Variants in PPP2R3A observed in about 807,000 individuals in gnomAD.
PPP2R3A encodes protein phosphatase 2 regulatory subunit B''alpha.
In PPP2R3A, 80 loss-of-function variants were observed where a neutral mutation model predicts 106.9. The observed-to-expected ratio is 0.75, with a 90% confidence interval of 0.62 to 0.90. The LOEUF (loss-of-function observed/expected upper bound fraction) is 0.90, where lower values mean the gene tolerates loss of function less well. Ranked by LOEUF, PPP2R3A falls within the 40% of genes least tolerant of loss-of-function variation. The pLI is 0.00. For missense variants in PPP2R3A, 1,386 were observed against 1,350.4 expected, an observed-to-expected ratio of 1.03 and a Z score of -0.41; for synonymous variants, 483 against 468.3, an observed-to-expected ratio of 1.03 and a Z score of -0.41.
chr3:136,002,683 A>G lies in PPP2R3A; in HGVS notation c.1185A>G (p.Ser395=), dbSNP rs1933681768. The change falls in exon 2 of 14, where the codon TCA becomes TCG. Residue 395 remains serine, a synonymous_variant. Transcript: ENST00000264977. ...CTCTAAAAGCTGTCCAGGTCCAATC[A>G]CAGTCATTAACCATGAATCCTTTAG... The part of the protein sequence containing the change: ...PRTLKAVQVQ[S]QSLTMNPLEN... The G allele has an allele frequency of 1.2e-6, 2 of 1,613,246 alleles. No individual in the cohort carries two copies. Among genetic ancestry groups the G allele is most frequent in the Admixed American group, 3.3e-5 (2 of 59,982 alleles).
At chr3:136,064,678 C>G (rs573818592) in intron 5 of PPP2R3A, among the ~76,000 whole-genome samples, 1 of 152,004 alleles carries the variant, frequency 6.6e-6, no homozygotes, top group Admixed American at 6.6e-5. Context: ...AAGACAGCCA[C>G]GATCTAAACA....
intron 13 of PPP2R3A, among the ~76,000 whole-genome samples, chr3:136,126,112 G>A (rs1467200281): frequency 6.6e-6 from 1 of 152,232 alleles, no homozygotes; most frequent in African/African-American, 2.4e-5. Flanking sequence ...TCCAACTGAG[G>A]TACTTGGTTC....
In PPP2R3A at chr3:136,026,972, C is replaced by T; in HGVS notation, c.2136C>T (p.Phe712=). 1 of 1,613,716 alleles carries T rather than the reference C, an allele frequency of 6.2e-7. No homozygotes were observed. The highest frequency in any genetic ancestry group is 8.5e-7 in the Non-Finnish European group (1 of 1,179,674). ...CATTGTCCATAAACATTCCACGGTT[C>T]TACTTTCCTGAAGGACTCCCAGATA... ...NAPLSINIPR[F]YFPEGLPDTC... is the part of the protein sequence containing the mutation. Residue 712 remains phenylalanine, a synonymous_variant, in exon 3 of 14, where the codon TTC becomes TTT. Transcript: ENST00000264977.
At chr3:136,110,665 T>G (rs568495958) in intron 13 of PPP2R3A, among the ~76,000 whole-genome samples, 2 of 152,324 alleles carry the variant, frequency 1.3e-5, no homozygotes, top group East Asian at 3.9e-4. Flanking sequence ...AGCAAGTGTA[T>G]GTGGCTATGT....
intron 3 of PPP2R3A, among the ~76,000 whole-genome samples, chr3:136,029,203 GCAGA>G (rs1934775298): frequency 1.3e-5 from 2 of 152,196 alleles, no homozygotes; most frequent in Non-Finnish European, 1.5e-5. Context: ...CCTCAGGTAA[GCAGA>G]CAAAGAGAAA....
intron 10 of PPP2R3A, among the ~76,000 whole-genome samples, chr3:136,093,253 A>G (rs1048673007): frequency 2.8e-4 from 42 of 152,134 alleles, no homozygotes; most frequent in South Asian, 4.1e-4. Context: ...TACCAGAAAT[A>G]CGAAATGTAA....
intron 1 of PPP2R3A, among the ~76,000 whole-genome samples, chr3:135,967,977 T>C (rs1937137823): frequency 6.6e-6 from 1 of 152,178 alleles, no homozygotes; most frequent in Non-Finnish European, 1.5e-5. Context: ...CAAAAATGCT[T>C]ACAGACATCG....
chr3:136,046,311 G>A (rs1376525020), intron 4 of PPP2R3A, among the ~76,000 whole-genome samples: 3 of 152,036 alleles, frequency 2.0e-5, no homozygotes, highest in Admixed American at 6.6e-5. Flanking sequence ...AAAATTAGCC[G>A]GGCATAGTGA....
chr3:136,003,100 T>G lies in PPP2R3A; in HGVS notation c.1602T>G (p.Gly534=), dbSNP rs768348563. The stretch of plus-strand genomic sequence containing the variant: ...CTCTAAGAGAGCCACTTGCGAAGGG[T>G]AAAAACTCTAATTTTTTAAATAGTC... ...ETSLREPLAK[G]KNSNFLNSHS... The change falls in exon 2 of 14, where the codon GGT becomes GGG. Residue 534 remains glycine, a synonymous_variant. Transcript: ENST00000264977. 5 of 1,610,818 alleles carry G rather than the reference T, an allele frequency of 3.1e-6. No homozygotes were observed. In the Admixed American group the frequency reaches 8.4e-5, roughly 27 times the overall value.
intron 13 of PPP2R3A, among the ~76,000 whole-genome samples, chr3:136,143,164 A>G (rs1213871312): frequency 6.6e-6 from 1 of 152,242 alleles, no homozygotes; most frequent in African/African-American, 2.4e-5. Context: ...TAAGCTTTTT[A>G]AAAGGTTTAA....
intron 2 of PPP2R3A, among the ~76,000 whole-genome samples, chr3:136,013,626 A>G (rs936618561): frequency 3.3e-5 from 5 of 151,904 alleles, no homozygotes; most frequent in African/African-American, 1.2e-4. Flanking sequence ...ATTTTTTCAT[A>G]TATTTGTTGG....
intron 9 of PPP2R3A, among the ~76,000 whole-genome samples, chr3:136,089,514 A>G (rs60149787): frequency 0.082 from 12,504 of 151,766 alleles, 654 homozygotes; most frequent in African/African-American, 0.15. Context: ...GTCAGGTACT[A>G]TGATACCTCT....
At chr3:136,132,379 A>G (rs1179260604) in intron 13 of PPP2R3A, among the ~76,000 whole-genome samples, 6 of 152,260 alleles carry the variant, frequency 3.9e-5, no homozygotes, top group African/African-American at 1.2e-4. Flanking sequence ...AGGAATCTAC[A>G]TAAAAGATAC....
rs1323148201 is a variant in PPP2R3A at position 136,082,293 on chromosome 3, A to T, written c.2660A>T (p.Asp887Val). 1 of 1,594,188 alleles carries T rather than the reference A, an allele frequency of 6.3e-7. No individual in the cohort carries two copies. Among genetic ancestry groups the T allele is most frequent in the Non-Finnish European group, 8.6e-7 (1 of 1,161,946 alleles). Reference sequence around the variant, plus strand: ...CTAGCACTTTTGGAAGAAGAGGAAGATATAAACCAAATTACAGATTACTTC... The same window carrying T: ...CTAGCACTTTTGGAAGAAGAGGAAGTTATAAACCAAATTACAGATTACTTC... The part of the protein sequence containing the change: ...QTLALLEEEE[D>V]INQITDYFSY... The change falls in exon 8 of 14, where the codon GAT (aspartate) becomes GTT (valine). Residue 887 changes from aspartate (D) to valine (V), a missense_variant. By Grantham distance (152) the Asp-to-Val change is radical. Transcript: ENST00000264977.
intron 13 of PPP2R3A, among the ~76,000 whole-genome samples, chr3:136,137,935 A>G (rs995678856): frequency 3.9e-5 from 6 of 152,164 alleles, no homozygotes; most frequent in African/African-American, 1.4e-4. Context: ...GCAATCGTCC[A>G]GGAATGTAAC....
chr3:136,138,605 A>G lies in PPP2R3A; in HGVS notation c.3330-6438A>G, dbSNP rs139569460. Among the ~76,000 whole-genome samples the G allele has an allele frequency of 7.6e-3, 1,139 of 149,724 alleles. 18 individuals are homozygous for G. The highest frequency in any genetic ancestry group is 0.026 in the African/African-American group (1,074 of 40,874). ...CTAATCCATTTTATATAAGTGGCTT[A>G]GGATATCTATTTTTAACTTAAAAGT... On this transcript the variant is annotated intron_variant, in intron 13 of 13. Transcript: ENST00000264977.
Position 136,145,253 on chromosome 3 carries a change from A to G in PPP2R3A, c.*87A>G. On this transcript the variant is annotated 3_prime_UTR_variant, in exon 14 of 14. Coordinates refer to ENST00000264977, the MANE Select transcript of PPP2R3A (RefSeq NM_002718.5). ...TGTTCTCGTTTGCATACTGCTTTTT[A>G]AAGACTTTGATTTCTCCAAGTGTGT... 7.6e-6 allele frequency: 11 copies of G among 1,454,068 alleles called. No homozygotes were observed. Among genetic ancestry groups the G allele is most frequent in the Non-Finnish European group, 1.0e-5 (11 of 1,091,032 alleles). 90.1% of individuals were successfully genotyped at this position (1,454,068 alleles called of 1,614,324 possible).
At chr3:136,082,204 T>G in intron 7 of PPP2R3A, 61 bp from the exon 8 acceptor site, 6 of 1,421,478 alleles carry the variant, frequency 4.2e-6, no homozygotes, top group Non-Finnish European at 4.9e-6. Context: ...CGCTAGACTC[T>G]GCACAGTGGC....
intron 12 of PPP2R3A, among the ~76,000 whole-genome samples, chr3:136,105,288 G>A (rs7634492): frequency 0.082 from 12,506 of 152,274 alleles, 652 homozygotes; most frequent in African/African-American, 0.15. Context: ...TGTGCAAAGT[G>A]CCAGAGGAGA....
Sources: allele counts gnomAD v4.1 joint callset (sites outside exome capture counted in the v4.1 genomes callset), GRCh38; gene constraint gnomAD v4.1.1; transcripts MANE v1.5; gene names NCBI Gene and HGNC (gene_info 2026-07-23, HGNC 2026-07-21).